The following SMYD4 variants were observed in gnomAD, a reference collection of about 807,000 sequenced individuals.
The protein encoded by SMYD4 is SET and MYND domain containing 4.
Under a neutral mutation model 72.8 loss-of-function variants are expected in SMYD4, and 68 were observed. That is an observed-to-expected ratio of 0.93 (90% confidence interval 0.77 to 1.14). The LOEUF (loss-of-function observed/expected upper bound fraction) is 1.14, where lower values mean the gene tolerates loss of function less well. Among genes scored for constraint, SMYD4 ranks in the 50% most tolerant of loss-of-function variants. The probability of loss-of-function intolerance (pLI) is 0.00; values close to 1 mark genes in which losing one functional copy is unlikely to be tolerated. For synonymous variants in SMYD4, 407 were observed against 388.6 expected (o/e 1.05, Z -0.56); for missense variants, 984 against 1,003.7 (o/e 0.98, Z 0.27).
At chr17:1,791,896 CAAAA>C (rs757371957) in intron 5 of SMYD4, among the ~76,000 whole-genome samples, 1 of 151,790 alleles carries the variant, frequency 6.6e-6, no homozygotes, top group African/African-American at 2.4e-5. Flanking sequence ...CAAAAACAAA[CAAAA>C]AACCACTAAT....
At chr17:1,821,861 G>A (rs1413216777) in intron 2 of SMYD4, among the ~76,000 whole-genome samples, 1 of 151,816 alleles carries the variant, frequency 6.6e-6, no homozygotes, top group Admixed American at 6.6e-5. Context: ...AACCTGGGAG[G>A]CAGAGGTTGC....
At chr17:1,790,569 T>G (rs1021330586) in intron 5 of SMYD4, among the ~76,000 whole-genome samples, 1 of 152,118 alleles carries the variant, frequency 6.6e-6, no homozygotes, top group Non-Finnish European at 1.5e-5. Context: ...TAGGCTGGAA[T>G]GCAGTGGCAT....
At chr17:1,786,744 A>G in intron 7 of SMYD4, 66 bp downstream of exon 7, 1 of 1,597,738 alleles carries the variant, frequency 6.3e-7, no homozygotes, top group Non-Finnish European at 8.6e-7. Flanking sequence ...CCTCCTAAAC[A>G]CTGATCACCC....
intron 2 of SMYD4, among the ~76,000 whole-genome samples, chr17:1,826,417 G>C (rs1911170450): frequency 6.8e-6 from 1 of 147,058 alleles, no homozygotes; most frequent in Admixed American, 7.1e-5. Context: ...ACTTGAACTT[G>C]GGAGGCGGAG....
At chr17:1,803,017 G>A (rs990615774) in intron 4 of SMYD4, among the ~76,000 whole-genome samples, 4 of 152,170 alleles carry the variant, frequency 2.6e-5, no homozygotes, top group Admixed American at 6.6e-5. Flanking sequence ...GGTGGTGCAC[G>A]CCTGTAGTCC....
At chr17:1,812,545 CTTTT>C (rs71150818) in intron 2 of SMYD4, among the ~76,000 whole-genome samples, 7 of 63,696 alleles carry the variant, frequency 1.1e-4, no homozygotes, top group African/African-American at 3.0e-4. Flanking sequence ...AGCAGAATTT[CTTTT>C]TTTTTTTTTT....
chr17:1,785,235 A>G (rs1395012318), intron 7 of SMYD4, among the ~76,000 whole-genome samples: 8 of 144,022 alleles, frequency 5.6e-5, no homozygotes, highest in African/African-American at 2.0e-4. Flanking sequence ...CATCCTGGCT[A>G]ACACGGTGAA....
chr17:1,797,351 A>T (rs1418358798), intron 5 of SMYD4, among the ~76,000 whole-genome samples: 2 of 152,270 alleles, frequency 1.3e-5, no homozygotes, highest in African/African-American at 4.8e-5. Context: ...TAAAATGAAG[A>T]TCATAAAATA....
At chr17:1,791,231 A>G (rs1909014014) in intron 5 of SMYD4, among the ~76,000 whole-genome samples, 1 of 151,944 alleles carries the variant, frequency 6.6e-6, no homozygotes, top group African/African-American at 2.4e-5. Flanking sequence ...TCTTGTTATG[A>G]CAGGAATCCG....
intron 8 of SMYD4, 123 bp downstream of exon 8, chr17:1,784,203 G>T (rs962742319): frequency 4.1e-6 from 6 of 1,460,062 alleles, no homozygotes; most frequent in Non-Finnish European, 5.6e-6. Context: ...GCCATCTTGT[G>T]GCTGGCATGG....
At position 1,780,293 on chromosome 17, in the gene SMYD4, C is replaced by T. The variant is rs1369336325; in HGVS notation, c.*993G>A. 1.3e-5 allele frequency: 2 copies of T among 152,156 alleles called. No individual in the cohort carries two copies. Among genetic ancestry groups the T allele is most frequent in the Non-Finnish European group, 2.9e-5 (2 of 68,054 alleles). The allele number at this position is 152,156 out of a possible 1,614,324, so 9.4% of individuals were successfully genotyped here. A position where few individuals can be genotyped will look rare whatever the true frequency, so the allele number is the denominator to read the frequency against. ...AGTGCAGTAGTGCGATCTTGGCTCA[C>T]TGCAGCCTCAGCCTACCAGGCTCAG... On this transcript the variant is annotated 3_prime_UTR_variant, in exon 11 of 11. Coordinates refer to ENST00000305513, the MANE Select transcript of SMYD4 (RefSeq NM_052928.3).
chr17:1,803,517 CAG>C (rs1304222956), intron 4 of SMYD4, among the ~76,000 whole-genome samples: 1 of 152,192 alleles, frequency 6.6e-6, no homozygotes, highest in Non-Finnish European at 1.5e-5. Context: ...TCTTTTGAGA[CAG>C]AGTCCTGTCT....
chr17:1,822,488 G>A (rs1171278574), intron 2 of SMYD4, among the ~76,000 whole-genome samples: 1 of 152,148 alleles, frequency 6.6e-6, no homozygotes, highest in African/African-American at 2.4e-5. Flanking sequence ...TAGCCTTTAA[G>A]AAGCACATAA....
intron 2 of SMYD4, among the ~76,000 whole-genome samples, chr17:1,826,733 C>A (rs527356587): frequency 4.6e-5 from 7 of 152,084 alleles, no homozygotes; most frequent in Non-Finnish European, 8.8e-5. Flanking sequence ...CTGCTTTATA[C>A]GTCATTTTAA....
At chr17:1,781,478 T>C (rs7224977) in intron 10 of SMYD4, 39 bp from the exon 11 acceptor site, 1,152,074 of 1,596,988 alleles carry the variant, frequency 0.72, 418,043 homozygotes, top group African/African-American at 0.9. Context: ...TTCACTGATT[T>C]GTGAGGCAAA....
intron 8 of SMYD4, 142 bp downstream of exon 8, chr17:1,784,184 G>T: frequency 1.5e-6 from 2 of 1,310,778 alleles, no homozygotes; most frequent in South Asian, 1.4e-5. Context: ...GGACTCACTG[G>T]CCTATATAGC....
chr17:1,796,303 T>TTTTTTG (rs1555576056), intron 5 of SMYD4, among the ~76,000 whole-genome samples: 1 of 146,620 alleles, frequency 6.8e-6, no homozygotes, highest in Non-Finnish European at 1.5e-5. Context: ...CTGGCTGTTT[T>TTTTTTG]TTTTTTTTTT....
At chr17:1,808,832 C>T (rs1362620474) in intron 3 of SMYD4, among the ~76,000 whole-genome samples, 1 of 152,140 alleles carries the variant, frequency 6.6e-6, no homozygotes, top group African/African-American at 2.4e-5. Context: ...ATCATTACAC[C>T]TAATGGACTT....
chr17:1,820,984 GGA>G (rs1910857323), intron 2 of SMYD4, among the ~76,000 whole-genome samples: 1 of 152,140 alleles, frequency 6.6e-6, no homozygotes, highest in Non-Finnish European at 1.5e-5. Context: ...TTGTTTTTAA[GGA>G]GAGAGGTCTG....
Sources: allele counts gnomAD v4.1 joint callset (sites outside exome capture counted in the v4.1 genomes callset), GRCh38; gene constraint gnomAD v4.1.1; transcripts MANE v1.5; gene names NCBI Gene and HGNC (gene_info 2026-07-23, HGNC 2026-07-21).